The following EFHD1 variants were observed in gnomAD, a reference collection of about 807,000 sequenced individuals.
The protein encoded by EFHD1 is EF-hand domain-containing protein D1.
Under a neutral mutation model 17.2 loss-of-function variants are expected in EFHD1, and 10 were observed. The observed-to-expected ratio is 0.58, with a 90% CI of 0.36 to 0.99. The LOEUF (loss-of-function observed/expected upper bound fraction) is 0.99, where lower values mean the gene tolerates loss of function less well. Among genes scored for constraint, EFHD1 ranks in the 50% least tolerant of loss-of-function variants. The probability of loss-of-function intolerance (pLI) is 0.01; values close to 1 mark genes in which losing one functional copy is unlikely to be tolerated. For missense variants in EFHD1, 310 were observed against 327.5 expected, an observed-to-expected ratio of 0.95 and a Z score of 0.41; for synonymous variants, 153 against 142.0, an observed-to-expected ratio of 1.08 and a Z score of -0.55.
chr2:232,676,885 G>A (rs908013047), intron 3 of EFHD1, among the ~76,000 whole-genome samples: 2 of 151,568 alleles, frequency 1.3e-5, no homozygotes, highest in African/African-American at 4.9e-5. Flanking sequence ...CTCACACCTG[G>A]ACACTTTGGG....
In EFHD1 at chr2:232,681,794, C is replaced by A; in HGVS notation, c.*75C>A. On this transcript the variant is annotated 3_prime_UTR_variant, in exon 4 of 4. Transcript: ENST00000264059. ...AGAAGAGATGACTAGGCATCTTCAT[C>A]ACTGCTGTCGGTCCCCTCCCTGAGC... 6.5e-7 allele frequency: 1 copy of A among 1,543,824 alleles called. No homozygotes were observed. The highest frequency in any genetic ancestry group is 1.2e-5 in the South Asian group (1 of 80,510).
At chr2:232,620,746 TA>T (rs1411698348) in intron 1 of EFHD1, among the ~76,000 whole-genome samples, 1 of 152,132 alleles carries the variant, frequency 6.6e-6, no homozygotes, top group Non-Finnish European at 1.5e-5. Context: ...AAATTGTAAA[TA>T]GGTGAATGTT....
At chr2:232,664,849 G>A (rs889548056) in intron 2 of EFHD1, among the ~76,000 whole-genome samples, 9 of 148,238 alleles carry the variant, frequency 6.1e-5, no homozygotes, top group African/African-American at 1.5e-4. Flanking sequence ...TCCTGACCTC[G>A]TGATCCGCCT....
chr2:232,623,341 C>T (rs775340352), intron 1 of EFHD1, among the ~76,000 whole-genome samples: 4 of 152,094 alleles, frequency 2.6e-5, no homozygotes, highest in African/African-American at 4.8e-5. Flanking sequence ...TCACGGCACC[C>T]GGCCTAGAAA....
upstream of EFHD1, among the ~76,000 whole-genome samples, chr2:232,631,691 T>TAAAAAAAAAAAA (rs34689384): frequency 1.7e-5 from 2 of 115,776 alleles, no homozygotes; most frequent in African/African-American, 3.6e-5. Context: ...ATAAGAACAT[T>TAAAAAAAAAAAA]AAAAAAAAAA....
chr2:232,625,114 G>C (rs1694084745), intron 1 of EFHD1, among the ~76,000 whole-genome samples: 1 of 152,036 alleles, frequency 6.6e-6, no homozygotes. Flanking sequence ...TTATTTTGCT[G>C]GTACTGGGTT....
chr2:232,615,684 C>CTTT (rs34266488), intron 1 of EFHD1, among the ~76,000 whole-genome samples: 31 of 109,016 alleles, frequency 2.8e-4, no homozygotes, highest in Non-Finnish European at 4.0e-4. Flanking sequence ...TTTTCTTTTC[C>CTTT]TTTTTTTTTT....
intron 1 of EFHD1, among the ~76,000 whole-genome samples, chr2:232,641,230 C>T (rs946520942): frequency 2.0e-5 from 3 of 151,828 alleles, no homozygotes; most frequent in African/African-American, 2.4e-5. Flanking sequence ...TTTGTAGAGA[C>T]GGGGTTTTGA....
intron 2 of EFHD1, among the ~76,000 whole-genome samples, chr2:232,667,192 T>A (rs1402031699): frequency 6.6e-6 from 1 of 152,116 alleles, no homozygotes; most frequent in Non-Finnish European, 1.5e-5. Flanking sequence ...AGCAGACGAA[T>A]ACAGTGGCCC....
intron 1 of EFHD1, among the ~76,000 whole-genome samples, chr2:232,606,883 C>T (rs1457372073): frequency 2.0e-5 from 3 of 150,216 alleles, no homozygotes; most frequent in Non-Finnish European, 4.4e-5. Context: ...GAGCGAGACT[C>T]CGTCTCAAAA....
chr2:232,620,447 G>T (rs1694000397), intron 1 of EFHD1, among the ~76,000 whole-genome samples: 1 of 150,922 alleles, frequency 6.6e-6, no homozygotes, highest in Admixed American at 6.6e-5. Context: ...GGGTAGTGGT[G>T]CAATCATAGC....
chr2:232,644,606 G>A (rs994357536), intron 1 of EFHD1, among the ~76,000 whole-genome samples: 2 of 151,650 alleles, frequency 1.3e-5, no homozygotes, highest in East Asian at 1.9e-4. Flanking sequence ...TCCGCCTCCC[G>A]GGTTCAAGCA....
chr2:232,673,900 A>ACTT, intron 3 of EFHD1, among the ~76,000 whole-genome samples: 14 of 141,454 alleles, frequency 9.9e-5, no homozygotes, highest in African/African-American at 3.4e-4. Flanking sequence ...ACCTCTTAAG[A>ACTT]CTTCTTCTTT....
intron 1 of EFHD1, among the ~76,000 whole-genome samples, chr2:232,660,973 G>A (rs556411234): frequency 6.6e-5 from 10 of 151,850 alleles, no homozygotes; most frequent in Middle Eastern, 3.4e-3. Context: ...GCCAGACTCC[G>A]TCTCAAAAAC....
chr2:232,658,220 T>G (rs566772512), intron 1 of EFHD1, among the ~76,000 whole-genome samples: 1 of 152,276 alleles, frequency 6.6e-6, no homozygotes, highest in South Asian at 2.1e-4. Flanking sequence ...TGCATTTTTC[T>G]TTGCTATATT....
intron 1 of EFHD1, among the ~76,000 whole-genome samples, chr2:232,654,112 C>G (rs561093071): frequency 1.7e-4 from 25 of 150,872 alleles, no homozygotes; most frequent in African/African-American, 6.1e-4. Context: ...GAGGCTGATG[C>G]ATGAGAATCA....
At chr2:232,669,669 C>T (rs952453618) in intron 2 of EFHD1, among the ~76,000 whole-genome samples, 10 of 149,796 alleles carry the variant, frequency 6.7e-5, no homozygotes, top group East Asian at 3.9e-4. Context: ...GGTACGACCT[C>T]GGCTCACTGC....
At chr2:232,673,207 A>G (rs755479700) in intron 3 of EFHD1, among the ~76,000 whole-genome samples, 1 of 152,200 alleles carries the variant, frequency 6.6e-6, no homozygotes, top group Non-Finnish European at 1.5e-5. Context: ...AAGTGCCACA[A>G]TGACACAGAG....
chr2:232,672,270 T>G, intron 2 of EFHD1, 39 bp from the exon 3 acceptor site: 1 of 1,614,062 alleles, frequency 6.2e-7, no homozygotes, highest in Admixed American at 1.7e-5. Flanking sequence ...AATCTGTCAG[T>G]GAGACTGACT....
Sources: gnomAD v4.1 joint callset for allele counts (sites outside exome capture counted in the v4.1 genomes callset) on GRCh38, gnomAD v4.1.1 for gene constraint, MANE v1.5 for transcripts, NCBI Gene and HGNC (gene_info 2026-07-23, HGNC 2026-07-21) for gene names.